Variants in WARS2 observed in about 807,000 individuals in gnomAD.
WARS2 encodes tryptophanyl tRNA synthetase 2, mitochondrial, also known as tryptophan--tRNA ligase, mitochondrial.
In WARS2, 28 loss-of-function variants were observed where a neutral mutation model predicts 36.5. The ratio of observed to expected loss-of-function variants is 0.77; its 90% confidence interval spans 0.57 to 1.05. The LOEUF is 1.05. Ranked by LOEUF, WARS2 falls within the 50% of genes least tolerant of loss-of-function variation. The pLI is 0.00. For synonymous variants in WARS2, 174 were observed against 178.4 expected, an observed-to-expected ratio of 0.98 and a Z score of 0.20; for missense variants, 435 against 456.8, an observed-to-expected ratio of 0.95 and a Z score of 0.44.
intron 1 of WARS2, among the ~76,000 whole-genome samples, chr1:119,112,238 T>C (rs1291403519): frequency 6.6e-6 from 1 of 152,136 alleles, no homozygotes; most frequent in African/African-American, 2.4e-5. Context: ...GCTTTTTAAT[T>C]GTTGTTAGGA....
chr1:119,068,825 A>ACTCT (rs10647679), intron 2 of WARS2, among the ~76,000 whole-genome samples: 69,993 of 149,330 alleles, frequency 0.47, 17,345 homozygotes, highest in African/African-American at 0.65. Flanking sequence ...TCTCTCTCTT[A>ACTCT]CTCTCTCTCT....
chr1:119,131,885 G>C (rs1020197986), intron 1 of WARS2, among the ~76,000 whole-genome samples: 1 of 152,020 alleles, frequency 6.6e-6, no homozygotes, highest in Admixed American at 6.6e-5. Flanking sequence ...AAGTCAGACT[G>C]ATTCTAGGGG....
At chr1:119,070,569 C>G (rs1008076893) in intron 2 of WARS2, among the ~76,000 whole-genome samples, 14 of 146,826 alleles carry the variant, frequency 9.5e-5, no homozygotes, top group Non-Finnish European at 1.0e-4. Context: ...GTCCAGCCAG[C>G]CTTACACATT....
At chr1:119,053,683 AC>A (rs1315675305) in intron 2 of WARS2, among the ~76,000 whole-genome samples, 1 of 152,212 alleles carries the variant, frequency 6.6e-6, no homozygotes, top group Admixed American at 6.5e-5. Flanking sequence ...TAAAAAGGCA[AC>A]CTATAAAATG....
chr1:119,039,278 G>A (rs1048058354), intron 4 of WARS2, among the ~76,000 whole-genome samples: 7 of 152,100 alleles, frequency 4.6e-5, no homozygotes, highest in South Asian at 4.2e-4. Context: ...CCCTTTTTCC[G>A]GATCAGTGGC....
At position 119,140,568 on chromosome 1, in the gene WARS2, G is replaced by A; in HGVS notation, c.77C>T (p.Ala26Val). The A allele has an allele frequency of 6.2e-7, 1 of 1,613,424 alleles. No homozygotes were observed. Among genetic ancestry groups the A allele is most frequent in the African/African-American group, 1.3e-5 (1 of 75,062 alleles). The change falls in exon 1 of 6, where the codon GCT becomes GTT. Residue 26 changes from alanine to valine, a missense_variant. Physicochemically the swap from Ala to Val is moderately conservative, Grantham distance 64. Transcript: ENST00000235521. The part of the protein sequence containing the change: ...IRALHKGSAA[A>V]PALQKDSKKR... ...GTCTTTGGTTACCTGGAGAGCGGGA[G>A]CAGCTGCGGATCCCTTATGAAGTGC...
intron 1 of WARS2, among the ~76,000 whole-genome samples, chr1:119,123,812 T>C (rs1351265419): frequency 6.7e-6 from 1 of 150,310 alleles, no homozygotes; most frequent in East Asian, 2.0e-4. Flanking sequence ...TCCTCTCCTC[T>C]CTTCTCTTCT....
intron 1 of WARS2, among the ~76,000 whole-genome samples, chr1:119,077,747 T>C (rs1282124373): frequency 6.6e-6 from 1 of 151,856 alleles, no homozygotes; most frequent in Admixed American, 6.6e-5. Context: ...AATAGGAAAA[T>C]GAAAAGAAAA....
chr1:119,078,404 T>G (rs936516817), intron 1 of WARS2, among the ~76,000 whole-genome samples: 1 of 152,198 alleles, frequency 6.6e-6, no homozygotes, highest in Non-Finnish European at 1.5e-5. Flanking sequence ...TATCTTCAAT[T>G]GTAGTACTTC....
chr1:119,060,884 C>G (rs1235207390), intron 2 of WARS2, among the ~76,000 whole-genome samples: 1 of 152,130 alleles, frequency 6.6e-6, no homozygotes, highest in African/African-American at 2.4e-5. Context: ...AATAAAGAGT[C>G]AGAGTGGTAT....
chr1:119,059,673 C>T (rs1424919719), intron 2 of WARS2, among the ~76,000 whole-genome samples: 1 of 152,130 alleles, frequency 6.6e-6, no homozygotes, highest in Non-Finnish European at 1.5e-5. Context: ...TGGCCTTATA[C>T]ATTTCAGATT....
At chr1:119,123,224 C>T (rs1655440687) in intron 1 of WARS2, among the ~76,000 whole-genome samples, 1 of 152,136 alleles carries the variant, frequency 6.6e-6, no homozygotes, top group Non-Finnish European at 1.5e-5. Context: ...AAAAAAGAAG[C>T]TCTACTGGGA....
At chr1:119,081,271 T>A (rs1187269870) in intron 1 of WARS2, among the ~76,000 whole-genome samples, 4 of 152,224 alleles carry the variant, frequency 2.6e-5, no homozygotes, top group Non-Finnish European at 5.9e-5. Context: ...AGTTATTAAT[T>A]ATGGCAAAAG....
At chr1:119,070,694 C>G (rs1651233482) in intron 2 of WARS2, among the ~76,000 whole-genome samples, 1 of 151,952 alleles carries the variant, frequency 6.6e-6, no homozygotes. Flanking sequence ...AGTGAGCTAT[C>G]ACTCCACCAC....
At chr1:119,101,238 T>A (rs1208118756) in intron 1 of WARS2, among the ~76,000 whole-genome samples, 3 of 152,142 alleles carry the variant, frequency 2.0e-5, no homozygotes, top group East Asian at 3.9e-4. Context: ...ATGTATTATA[T>A]ACGTGTAACA....
chr1:119,110,009 G>T (rs1654520603), intron 1 of WARS2, among the ~76,000 whole-genome samples: 1 of 151,908 alleles, frequency 6.6e-6, no homozygotes, highest in East Asian at 1.9e-4. Context: ...CAAATACCTA[G>T]TAATAACAAA....
chr1:119,136,487 G>A (rs945438189), intron 1 of WARS2, among the ~76,000 whole-genome samples: 1 of 152,162 alleles, frequency 6.6e-6, no homozygotes, highest in Non-Finnish European at 1.5e-5. Context: ...GAGATTAAAA[G>A]GAGCTTTAGA....
intron 1 of WARS2, among the ~76,000 whole-genome samples, chr1:119,077,070 G>A (rs374491005): frequency 8.5e-5 from 12 of 141,996 alleles, no homozygotes; most frequent in African/African-American, 3.2e-4. Flanking sequence ...CCTGGGAGGT[G>A]GAGGCTGCAG....
intron 1 of WARS2, among the ~76,000 whole-genome samples, chr1:119,112,773 C>T (rs1654731813): frequency 6.6e-6 from 1 of 152,096 alleles, no homozygotes; most frequent in Non-Finnish European, 1.5e-5. Context: ...ATGCCCATTT[C>T]CAGTTTTTGT....
Sources: gnomAD v4.1 joint callset for allele counts (sites outside exome capture counted in the v4.1 genomes callset) on GRCh38, gnomAD v4.1.1 for gene constraint, MANE v1.5 for transcripts, NCBI Gene and HGNC (gene_info 2026-07-23, HGNC 2026-07-21) for gene names.